The following DPP3 variants were observed in gnomAD, a reference collection of about 807,000 sequenced individuals.
The protein encoded by DPP3 is DPP III.
Under a neutral mutation model 89.8 loss-of-function variants are expected in DPP3, and 64 were observed. The ratio of observed to expected loss-of-function variants is 0.71; its 90% CI spans 0.58 to 0.88. The LOEUF (loss-of-function observed/expected upper bound fraction) is 0.88. DPP3 is among the 40% of genes least tolerant of loss of function. The pLI is 0.00. For synonymous variants in DPP3, 377 were observed against 404.3 expected (o/e 0.93, Z 0.81); for missense variants, 835 against 972.5 (o/e 0.86, Z 1.88).
intron 16 of DPP3, among the ~76,000 whole-genome samples, chr11:66,504,339 C>T (rs1303294093): frequency 6.6e-6 from 1 of 152,078 alleles, no homozygotes; most frequent in African/African-American, 2.4e-5. Flanking sequence ...TCCCCTGCCT[C>T]CTCCTCCCAA....
rs779499268 is a variant in DPP3, at chr11:66,491,375, A to G, written c.790A>G (p.Lys264Glu). The G allele has an allele frequency of 5.0e-6, 8 of 1,613,636 alleles. No homozygotes were observed. The South Asian group carries it at 8.8e-5, about 18-fold the overall frequency. ...ILQKVVEQLE[K>E]AKAYAANSHQ... ...CCAGAAGGTGGTGGAGCAGCTGGAG[A>G]AAGCCAAGGTTGGACTGGCTGGGGG... Residue 264 changes from lysine (K) to glutamate (E), a missense_variant, in exon 7 of 18, where the codon AAA (lysine) becomes GAA (glutamate). Physicochemically the swap from Lys to Glu is moderately conservative, Grantham distance 56 (BLOSUM62 1). Transcript: ENST00000531863.
Position 66,493,983 on chromosome 11 carries a change from C to T in DPP3, c.1389+350C>T, listed in dbSNP as rs548418283. On this transcript the variant is annotated intron_variant, in intron 12 of 17. Coordinates refer to ENST00000531863, the MANE Select transcript of DPP3 (RefSeq NM_130443.4). ...AGGCTAAGGAAGCACACCCTAAGGGCGTGCTTAGGGCGTGGCTCCAGCAGC... is the reference window on the plus strand; with the variant it reads ...AGGCTAAGGAAGCACACCCTAAGGGTGTGCTTAGGGCGTGGCTCCAGCAGC... Among the ~76,000 whole-genome samples, 5 of 152,246 alleles carry T rather than the reference C, an allele frequency of 3.3e-5. No homozygotes were observed. In the East Asian group the frequency reaches 5.8e-4, roughly 18 times the overall value.
chr11:66,485,204 C>A lies in DPP3; in HGVS notation c.302C>A (p.Ser101Tyr), dbSNP rs1204115082. 4 of 1,614,168 alleles carry A rather than the reference C, an allele frequency of 2.5e-6. No individual in the cohort carries two copies. The highest frequency in any genetic ancestry group is 3.4e-6 in the Non-Finnish European group (4 of 1,180,044). The change falls in exon 3 of 18, where the codon TCC becomes TAC. Residue 101 changes from serine to tyrosine, a missense_variant. Coordinates refer to ENST00000531863, the MANE Select transcript of DPP3 (RefSeq NM_130443.4). ...AFLVYAAGVY[S>Y]NMGNYKSFGD... ...CTGGTCTATGCCGCGGGTGTTTACTCCAACATGGGCAACTACAAGTCCTTT... is the reference window on the plus strand; with the variant it reads ...CTGGTCTATGCCGCGGGTGTTTACTACAACATGGGCAACTACAAGTCCTTT...
chr11:66,491,638 T>C lies in DPP3; in HGVS notation c.929+14T>C, dbSNP rs1590737366. 1 of 1,611,166 alleles carries C rather than the reference T, an allele frequency of 6.2e-7. No individual in the cohort carries two copies. The highest frequency in any genetic ancestry group is 8.5e-7 in the Non-Finnish European group (1 of 1,177,722). On this transcript the variant is annotated intron_variant, in intron 8 of 17. Transcript: ENST00000531863. ...CATCGTGGAGAGGTGAGGCGCCAGC[T>C]CCACCCCACCTGCCCCCTCCTGCCT...
At position 66,482,282 on chromosome 11, in the gene DPP3, C is replaced by T; in HGVS notation, c.82C>T (p.Pro28Ser). ...CCGTGAGGCCTTCCGCCTGCTGTCA[C>T]CCACAGAGCGCCTCTATGCCTACCA... ...DCREAFRLLSPTERLYAYHLS... is the reference protein window; with the variant it reads ...DCREAFRLLSSTERLYAYHLS... The change falls in exon 2 of 18, where the codon CCC (proline) becomes TCC (serine). Residue 28 changes from proline (P) to serine (S), a missense_variant. Pro to Ser is a moderately conservative substitution (Grantham distance 74). Coordinates refer to ENST00000531863, the MANE Select transcript of DPP3 (RefSeq NM_130443.4). 1 of 1,614,138 alleles carries T rather than the reference C, an allele frequency of 6.2e-7. No homozygotes were observed. Among genetic ancestry groups the T allele is most frequent in the Non-Finnish European group, 8.5e-7 (1 of 1,180,032 alleles).
At chr11:66,498,329 G>C (rs1855594840) in intron 16 of DPP3, among the ~76,000 whole-genome samples, 1 of 152,074 alleles carries the variant, frequency 6.6e-6, no homozygotes, top group Admixed American at 6.6e-5. Context: ...TCCTGACCTC[G>C]TGATCTGCCT....
Position 66,489,743 on chromosome 11 carries a change from G to C in DPP3, c.668-1510G>C, listed in dbSNP as rs371371268. On this transcript the variant is annotated intron_variant, in intron 6 of 17. Coordinates refer to ENST00000531863, the MANE Select transcript of DPP3 (RefSeq NM_130443.4). ...TGTCTGGGGCCTCAGCTGGGAAGAC[G>C]ACAGCTTGGGGCCGCAAGCATCCCC... Among the ~76,000 whole-genome samples, 6 of 152,312 alleles carry C rather than the reference G, an allele frequency of 3.9e-5. No individual in the cohort carries two copies. The East Asian group carries it at 9.6e-4, about 24-fold the overall frequency.
intron 16 of DPP3, among the ~76,000 whole-genome samples, chr11:66,501,506 A>G (rs1166172817): frequency 6.6e-6 from 1 of 152,052 alleles, no homozygotes; most frequent in African/African-American, 2.4e-5. Flanking sequence ...TAATCCAAGC[A>G]GAAAAAGAAA....
At chr11:66,501,825 CAAAAA>C (rs35196491) in intron 16 of DPP3, among the ~76,000 whole-genome samples, 3 of 84,438 alleles carry the variant, frequency 3.6e-5, no homozygotes, top group South Asian at 7.4e-4. Flanking sequence ...ACTTTGTCTC[CAAAAA>C]AAAAAAAAAA....
At chr11:66,480,541 A>T in intron 1 of DPP3, 76 bp downstream of exon 1, 1 of 1,425,468 alleles carries the variant, frequency 7.0e-7, no homozygotes, top group Non-Finnish European at 9.1e-7. Context: ...TACTGAGCGC[A>T]AAATCGTTCC....
chr11:66,481,501 A>G lies in DPP3; in HGVS notation c.-8-692A>G, dbSNP rs1394367308. On this transcript the variant is annotated intron_variant, in intron 1 of 17. Transcript: ENST00000531863. ...TGAGACTCCGTCTTAAAAAAATAAT[A>G]CTGAACAAGGAAGCAGGGAGGGGCC... Among the ~76,000 whole-genome samples, 5 of 151,986 alleles carry G rather than the reference A, an allele frequency of 3.3e-5. No homozygotes were observed. The East Asian group carries it at 9.7e-4, about 29-fold the overall frequency.
chr11:66,487,160 G>T, intron 4 of DPP3, 108 bp from the exon 5 acceptor site: 1 of 1,042,226 alleles, frequency 9.6e-7, no homozygotes, highest in Non-Finnish European at 1.5e-6. Context: ...GGGGTAAGGG[G>T]TAGAGGCTGC....
At chr11:66,485,365 G>A (rs983277535) in intron 3 of DPP3, 103 bp downstream of exon 3, 1 of 1,153,098 alleles carries the variant, frequency 8.7e-7, no homozygotes, top group South Asian at 1.3e-5. Flanking sequence ...GAAGCCCTGA[G>A]CAGAGCATGG....
At position 66,485,288 on chromosome 11, in the gene DPP3, GT is replaced by G. The variant is rs143921166; in HGVS notation, c.360+27del. ...GTGAGCCAAGGGAGGGTTGGGGAAG[GT>G]GGGGATGGGGGGCTGGTGGGGTAGA... On this transcript the variant is annotated intron_variant, in intron 3 of 17. Coordinates refer to ENST00000531863, the MANE Select transcript of DPP3 (RefSeq NM_130443.4). The G allele has an allele frequency of 1.3e-3, 2,095 of 1,609,018 alleles. 28 individuals carry two copies. In the African/African-American group the frequency reaches 0.022, roughly 17 times the overall value.
chr11:66,504,884 T>C, intron 17 of DPP3, 110 bp downstream of exon 17: 1 of 1,222,986 alleles, frequency 8.2e-7, no homozygotes, highest in Non-Finnish European at 1.1e-6. Context: ...TAACCCAGCC[T>C]GGGATGGCCC....
Position 66,487,922 on chromosome 11 carries a change from T to C in DPP3, c.582T>C (p.Ser194=). 6.2e-7 allele frequency: 1 copy of C among 1,613,964 alleles called. No individual in the cohort carries two copies. The highest frequency in any genetic ancestry group is 8.5e-7 in the Non-Finnish European group (1 of 1,179,912). Reference sequence around the variant, plus strand: ...GTCCTGGTCTCTTCTAGAACCTCAGTGCCTACAACACCCGGCTCTTCAAAG... The same window carrying C: ...GTCCTGGTCTCTTCTAGAACCTCAGCGCCTACAACACCCGGCTCTTCAAAG... The part of the protein sequence containing the change: ...AQDFLDSQNL[S]AYNTRLFKEV... Residue 194 remains serine (S), a synonymous_variant, in exon 6 of 18, where the codon AGT becomes AGC. Coordinates refer to ENST00000531863, the MANE Select transcript of DPP3 (RefSeq NM_130443.4).
chr11:66,482,180 T>A lies in DPP3; in HGVS notation c.-8-13T>A. ...GGGTAAACAACAGCTGTGATGACAG[T>A]GATGGTTCTCAGCAGGGCCCATGGC... is the stretch of plus-strand genomic sequence containing the variant. On this transcript the variant is annotated splice_polypyrimidine_tract_variant and intron_variant, in intron 1 of 17. Coordinates refer to ENST00000531863, the MANE Select transcript of DPP3 (RefSeq NM_130443.4). The A allele has an allele frequency of 6.2e-7, 1 of 1,612,732 alleles. No homozygotes were observed. The highest frequency in any genetic ancestry group is 1.3e-5 in the African/African-American group (1 of 74,992).
In DPP3 at chr11:66,503,148, G is replaced by T. The variant is rs533342182; in HGVS notation, c.1879-1464G>T. ...AAACCTGGCTAGTTTTTATATTTTT[G>T]TAGAGACAGGGTTTCACCATGTTGG... On this transcript the variant is annotated intron_variant, in intron 16 of 17. Coordinates refer to ENST00000531863, the MANE Select transcript of DPP3 (RefSeq NM_130443.4). Among the ~76,000 whole-genome samples, 17 of 151,060 alleles carry T rather than the reference G, an allele frequency of 1.1e-4. No individual in the cohort carries two copies. The East Asian group carries it at 3.4e-3, about 30-fold the overall frequency.
chr11:66,490,087 G>A (rs1227888283), intron 6 of DPP3, among the ~76,000 whole-genome samples: 2 of 148,414 alleles, frequency 1.3e-5, no homozygotes, highest in African/African-American at 5.0e-5. Flanking sequence ...GCTGAGCCAG[G>A]AGGATCGCTT....
Sources: allele counts gnomAD v4.1 joint callset (sites outside exome capture counted in the v4.1 genomes callset), GRCh38; gene constraint gnomAD v4.1.1; transcripts MANE v1.5; gene names NCBI Gene and HGNC (gene_info 2026-07-23, HGNC 2026-07-21).